The following DPP10 variants were observed in gnomAD, a reference collection of about 807,000 sequenced individuals.
DPP10 encodes inactive dipeptidyl peptidase 10.
DPP10 carries 33 observed loss-of-function variants against 120.9 expected under a neutral mutation model. The ratio of observed to expected loss-of-function variants is 0.27; its 90% CI spans 0.21 to 0.37. DPP10 has a LOEUF of 0.37. Ranked by LOEUF, DPP10 falls within the 10% of genes least tolerant of loss-of-function variation. The pLI, the probability that DPP10 is intolerant of heterozygous loss-of-function variation, is 1.00. For missense variants in DPP10, 816 were observed against 942.8 expected (o/e 0.87, Z 1.76); for synonymous variants, 337 against 326.1 (o/e 1.03, Z -0.36).
At chr2:115,068,693 T>C (rs1375650735) in intron 1 of DPP10, among the ~76,000 whole-genome samples, 1 of 152,194 alleles carries the variant, frequency 6.6e-6, no homozygotes, top group African/African-American at 2.4e-5. Flanking sequence ...AATAATTTTA[T>C]AGTTTCAGAT....
chr2:115,196,125 G>A (rs2055249425), intron 1 of DPP10, among the ~76,000 whole-genome samples: 2 of 152,084 alleles, frequency 1.3e-5, no homozygotes, highest in African/African-American at 2.4e-5. Flanking sequence ...TATCAATTGT[G>A]GACAATCCGT....
chr2:115,287,774 A>T (rs2060464029), intron 1 of DPP10, among the ~76,000 whole-genome samples: 1 of 152,142 alleles, frequency 6.6e-6, no homozygotes, highest in Admixed American at 6.6e-5. Flanking sequence ...AAAATAAACT[A>T]AAATACCTAG....
chr2:115,517,906 A>G (rs1230699294), intron 4 of DPP10, among the ~76,000 whole-genome samples: 1 of 152,216 alleles, frequency 6.6e-6, no homozygotes, highest in Non-Finnish European at 1.5e-5. Flanking sequence ...TTATTTGGCT[A>G]GTGATTCTGT....
chr2:115,750,058 G>C, intron 10 of DPP10: 1 of 985,342 alleles, frequency 1.0e-6, no homozygotes, highest in Non-Finnish European at 1.2e-6. Context: ...GAACAAGCAG[G>C]AAACCCAGTT....
At chr2:114,916,256 A>G (rs1477334426) in intron 1 of DPP10, among the ~76,000 whole-genome samples, 1 of 152,146 alleles carries the variant, frequency 6.6e-6, no homozygotes, top group Non-Finnish European at 1.5e-5. Context: ...GAAACATATA[A>G]CATGCTAAGA....
At chr2:114,445,819 G>A (rs1677911298) in intron 1 of DPP10, among the ~76,000 whole-genome samples, 1 of 152,080 alleles carries the variant, frequency 6.6e-6, no homozygotes, top group Non-Finnish European at 1.5e-5. Flanking sequence ...GCATACTTTG[G>A]CAGGTATGTT....
intron 1 of DPP10, among the ~76,000 whole-genome samples, chr2:114,636,191 T>G (rs1313491772): frequency 6.6e-6 from 1 of 152,012 alleles, no homozygotes; most frequent in Non-Finnish European, 1.5e-5. Context: ...GCACAAATAT[T>G]TTTCCTTGAA....
intron 1 of DPP10, among the ~76,000 whole-genome samples, chr2:114,988,635 C>T (rs868462453): frequency 1.2e-4 from 19 of 152,232 alleles, no homozygotes; most frequent in African/African-American, 4.1e-4. Flanking sequence ...ATCTATCGTT[C>T]GTCAACAATT....
intron 1 of DPP10, among the ~76,000 whole-genome samples, chr2:114,460,238 G>A (rs548735267): frequency 1.3e-5 from 2 of 151,898 alleles, no homozygotes; most frequent in Admixed American, 1.3e-4. Context: ...AAGAGCATAT[G>A]TTTGTGTTCA....
chr2:115,546,765 A>G (rs2079526554), intron 5 of DPP10, among the ~76,000 whole-genome samples: 1 of 152,062 alleles, frequency 6.6e-6, no homozygotes, highest in Admixed American at 6.6e-5. Context: ...TTCTGGGAAG[A>G]CTCATCAAAG....
intron 1 of DPP10, among the ~76,000 whole-genome samples, chr2:114,779,668 C>A (rs1212117925): frequency 6.6e-6 from 1 of 152,114 alleles, no homozygotes; most frequent in South Asian, 2.1e-4. Flanking sequence ...CTGTGATAAC[C>A]CTCCTTTATA....
intron 7 of DPP10, among the ~76,000 whole-genome samples, chr2:115,690,653 T>C (rs1217125464): frequency 6.6e-6 from 1 of 152,116 alleles, no homozygotes; most frequent in African/African-American, 2.4e-5. Context: ...CCTCAAGCGA[T>C]CCACCCACCT....
In DPP10 at chr2:115,528,446, T is replaced by TAA. The variant is rs34267028; in HGVS notation, c.441+2483_441+2484dup. On this transcript the variant is annotated intron_variant, in intron 5 of 25. Coordinates refer to ENST00000410059, the MANE Select transcript of DPP10 (RefSeq NM_020868.6). ...AATAAACCAACATTTATTTAAACAT[T>TAA]AAAAAAAAAACTAAGCATATACTAC... 2.2e-3 allele frequency among the ~76,000 whole-genome samples: 323 copies of TAA among 148,428 alleles called. 2 individuals are homozygous for TAA. The highest frequency in any genetic ancestry group is 7.5e-3 in the African/African-American group (306 of 40,696).
Position 115,746,802 on chromosome 2 carries a change from T to G in DPP10, c.950+619T>G, listed in dbSNP as rs139352019. On this transcript the variant is annotated intron_variant, in intron 10 of 25. Transcript: ENST00000410059. ...TTGAAATCCATCATGGTTTCAGACT[T>G]CAAAAGTGATTCTTTCAAATACTAG... Among the ~76,000 whole-genome samples, 731 of 152,290 alleles carry G rather than the reference T, an allele frequency of 4.8e-3. 6 individuals are homozygous for G. The highest frequency in any genetic ancestry group is 0.016 in the African/African-American group (654 of 41,572).
At chr2:114,767,291 A>G (rs1156387126) in intron 1 of DPP10, among the ~76,000 whole-genome samples, 1 of 146,746 alleles carries the variant, frequency 6.8e-6, no homozygotes, top group Non-Finnish European at 1.5e-5. Flanking sequence ...AAAGATATAT[A>G]ATATATATAT....
intron 1 of DPP10, among the ~76,000 whole-genome samples, chr2:115,011,867 A>G (rs1318968388): frequency 1.3e-5 from 2 of 151,810 alleles, no homozygotes; most frequent in Admixed American, 6.6e-5. Flanking sequence ...TTCAATGGGG[A>G]GGTTCCTGGT....
At chr2:114,819,349 C>T (rs1378338264) in intron 1 of DPP10, among the ~76,000 whole-genome samples, 1 of 152,122 alleles carries the variant, frequency 6.6e-6, no homozygotes, top group African/African-American at 2.4e-5. Context: ...AAGCCACTTA[C>T]CCTCTGTGAT....
intron 3 of DPP10, among the ~76,000 whole-genome samples, chr2:115,490,343 C>A (rs986678430): frequency 6.6e-6 from 1 of 152,104 alleles, no homozygotes; most frequent in Non-Finnish European, 1.5e-5. Context: ...ACCATCAGAC[C>A]TTGTGAGAAC....
intron 5 of DPP10, among the ~76,000 whole-genome samples, chr2:115,586,839 T>G (rs2082318128): frequency 6.6e-6 from 1 of 152,172 alleles, no homozygotes; most frequent in African/African-American, 2.4e-5. Context: ...CTTGAGTATC[T>G]TTTCATATGT....
Sources: allele counts gnomAD v4.1 joint callset (sites outside exome capture counted in the v4.1 genomes callset), GRCh38; gene constraint gnomAD v4.1.1; transcripts MANE v1.5; gene names NCBI Gene and HGNC (gene_info 2026-07-23, HGNC 2026-07-21).